STK3: variants seen among roughly 807,000 people sequenced by gnomAD.
STK3 encodes serine/threonine kinase 3.
STK3 carries 41 observed loss-of-function variants against 58.0 expected under a neutral mutation model. The ratio of observed to expected loss-of-function variants is 0.71; its 90% confidence interval spans 0.55 to 0.92. The LOEUF (loss-of-function observed/expected upper bound fraction) is 0.92, where lower values mean the gene tolerates loss of function less well. STK3 is among the 40% of genes least tolerant of loss of function. The pLI is 0.00. For synonymous variants in STK3, 170 were observed against 191.0 expected (o/e 0.89, Z 0.91); for missense variants, 479 against 602.7 (o/e 0.79, Z 2.15).
intron 3 of STK3, among the ~76,000 whole-genome samples, chr8:98,841,604 T>G (rs559850710): frequency 6.7e-6 from 1 of 150,196 alleles, no homozygotes; most frequent in South Asian, 2.1e-4. Flanking sequence ...AGTGAGAGGA[T>G]TGTTTGAGCC....
intron 6 of STK3, among the ~76,000 whole-genome samples, chr8:98,659,259 A>C (rs942890818): frequency 3.3e-5 from 5 of 152,052 alleles, no homozygotes; most frequent in Admixed American, 1.3e-4. Flanking sequence ...TGTTAACAGG[A>C]TATTTCAGAA....
At chr8:98,707,601 C>T (rs1195382696) in intron 4 of STK3, among the ~76,000 whole-genome samples, 2 of 151,896 alleles carry the variant, frequency 1.3e-5, no homozygotes, top group East Asian at 1.9e-4. Flanking sequence ...ATGGGGATCT[C>T]GCTATGTTGC....
chr8:98,493,345 C>T (rs981561453), intron 10 of STK3, among the ~76,000 whole-genome samples: 1 of 152,014 alleles, frequency 6.6e-6, no homozygotes, highest in Non-Finnish European at 1.5e-5. Flanking sequence ...CTTCTTTTCA[C>T]AAGCAACTTC....
At chr8:98,855,061 C>T (rs1381765538) in intron 3 of STK3, among the ~76,000 whole-genome samples, 1 of 142,878 alleles carries the variant, frequency 7.0e-6, no homozygotes, top group Non-Finnish European at 1.6e-5. Context: ...TGTCTCAAAA[C>T]AACAACAACA....
At chr8:98,436,361 C>T (rs907977495) in intron 2 of STK3, among the ~76,000 whole-genome samples, 8 of 152,168 alleles carry the variant, frequency 5.3e-5, no homozygotes, top group Non-Finnish European at 1.0e-4. Context: ...CCCTCACTCC[C>T]GAGCCCCACA....
intron 4 of STK3, among the ~76,000 whole-genome samples, chr8:98,728,459 A>G (rs1414333634): frequency 6.6e-6 from 1 of 152,218 alleles, no homozygotes; most frequent in Non-Finnish European, 1.5e-5. Context: ...CCCCACAACT[A>G]GTGATTCAAA....
chr8:98,849,246 A>G (rs573223241), intron 3 of STK3, among the ~76,000 whole-genome samples: 2 of 151,832 alleles, frequency 1.3e-5, no homozygotes, highest in Non-Finnish European at 2.9e-5. Flanking sequence ...AAAAAAAAGA[A>G]ATTCTTAAAA....
chr8:98,558,860 T>TA (rs1187880915), intron 8 of STK3, among the ~76,000 whole-genome samples: 5 of 152,124 alleles, frequency 3.3e-5, no homozygotes, highest in Admixed American at 3.3e-4. Context: ...TACATAAACT[T>TA]AGATATAATT....
intron 8 of STK3, among the ~76,000 whole-genome samples, chr8:98,555,187 C>T (rs1811500700): frequency 6.6e-6 from 1 of 152,070 alleles, no homozygotes; most frequent in Non-Finnish European, 1.5e-5. Flanking sequence ...CATGCTTATG[C>T]TAAAACAGCC....
chr8:98,711,678 G>A (rs1289611675), intron 4 of STK3, among the ~76,000 whole-genome samples: 1 of 152,182 alleles, frequency 6.6e-6, no homozygotes, highest in East Asian at 1.9e-4. Flanking sequence ...TGAAAGTGAT[G>A]GGGAGAATGA....
intron 3 of STK3, among the ~76,000 whole-genome samples, chr8:98,843,448 T>C (rs1012792373): frequency 6.6e-6 from 1 of 152,224 alleles, no homozygotes; most frequent in Non-Finnish European, 1.5e-5. Context: ...TTTCTGCCTC[T>C]TCATTCTGAC....
intron 3 of STK3, among the ~76,000 whole-genome samples, chr8:98,868,936 C>T (rs1357420259): frequency 6.6e-6 from 1 of 150,754 alleles, no homozygotes; most frequent in African/African-American, 2.4e-5. Context: ...ATGATCATGC[C>T]ATTGCACTCC....
intron 1 of STK3, among the ~76,000 whole-genome samples, chr8:98,906,744 A>G (rs548759937): frequency 6.6e-6 from 1 of 152,230 alleles, no homozygotes; most frequent in Non-Finnish European, 1.5e-5. Flanking sequence ...GTTTCATGTC[A>G]GTGTCTTCCA....
chr8:98,840,583 G>GTATATA lies in STK3; in HGVS notation c.110+43058_110+43063dup, dbSNP rs59274441. On this transcript the variant is annotated intron_variant, in intron 3 of 12. Transcript: ENST00000523601. ...TGACAACCTGTCTCAAGAAAAAAAT[G>GTATATA]TATATATATATATATATATATATAT... Among the ~76,000 whole-genome samples, 503 of 79,950 alleles carry GTATATA rather than the reference G, an allele frequency of 6.3e-3. 6 individuals are homozygous for GTATATA. Among genetic ancestry groups the GTATATA allele is most frequent in the Non-Finnish European group, 7.8e-3 (330 of 42,518 alleles). 52.5% of individuals were successfully genotyped at this position (79,950 alleles called of 152,430 possible). A position where few individuals can be genotyped will look rare whatever the true frequency, so the allele number is the denominator to read the frequency against.
intron 10 of STK3, among the ~76,000 whole-genome samples, chr8:98,461,332 G>C (rs1350151716): frequency 2.0e-5 from 3 of 151,734 alleles, no homozygotes; most frequent in African/African-American, 7.3e-5. Flanking sequence ...CTTTCCATTT[G>C]CATAGAATAT....
intron 6 of STK3, among the ~76,000 whole-genome samples, chr8:98,648,256 A>T (rs547355838): frequency 6.6e-6 from 1 of 152,290 alleles, no homozygotes; most frequent in East Asian, 1.9e-4. Context: ...ATCTCATAGC[A>T]AACAGTGGAA....
intron 6 of STK3, among the ~76,000 whole-genome samples, chr8:98,700,904 G>A (rs866997772): frequency 3.9e-5 from 6 of 152,320 alleles, no homozygotes; most frequent in Middle Eastern, 3.4e-3. Flanking sequence ...TCAGGAGGCT[G>A]AGGCAGGATA....
intron 1 of STK3, among the ~76,000 whole-genome samples, chr8:98,819,468 T>A (rs754441967): frequency 1.3e-5 from 2 of 152,168 alleles, no homozygotes; most frequent in African/African-American, 2.4e-5. Context: ...ACTATTCCCA[T>A]CAGCACGGCC....
chr8:98,470,762 C>T (rs1422548215), intron 10 of STK3, among the ~76,000 whole-genome samples: 1 of 152,180 alleles, frequency 6.6e-6, no homozygotes, highest in Non-Finnish European at 1.5e-5. Flanking sequence ...TTCCCCAACC[C>T]TTGGTAAATC....
Sources: gnomAD v4.1 joint callset for allele counts (sites outside exome capture counted in the v4.1 genomes callset) on GRCh38, gnomAD v4.1.1 for gene constraint, MANE v1.5 for transcripts, NCBI Gene and HGNC (gene_info 2026-07-23, HGNC 2026-07-21) for gene names.